SPAG9: variants seen among roughly 807,000 people sequenced by gnomAD.
SPAG9 encodes C-Jun-amino-terminal kinase-interacting protein 4.
In SPAG9, 35 loss-of-function variants were observed where a neutral mutation model predicts 166.5. The observed-to-expected ratio is 0.21, with a 90% CI of 0.16 to 0.28. The LOEUF is 0.28. SPAG9 is among the 10% of genes least tolerant of loss of function. SPAG9 has a pLI of 1.00. For synonymous variants in SPAG9, 534 were observed against 565.5 expected (o/e 0.94, Z 0.79); for missense variants, 1,235 against 1,603.3 (o/e 0.77, Z 3.92).
At chr17:51,094,323 A>G (rs1217851721) in intron 1 of SPAG9, among the ~76,000 whole-genome samples, 1 of 152,244 alleles carries the variant, frequency 6.6e-6, no homozygotes, top group Non-Finnish European at 1.5e-5. Context: ...CCAAAACTAT[A>G]AGAAATAAAA....
intron 1 of SPAG9, among the ~76,000 whole-genome samples, chr17:51,097,528 A>T (rs532472717): frequency 9.9e-4 from 150 of 152,236 alleles, no homozygotes; most frequent in South Asian, 5.0e-3. Context: ...AAGAAAAAAA[A>T]TTATGGTATC....
intron 3 of SPAG9, among the ~76,000 whole-genome samples, chr17:51,053,850 AAAAAGTATATATATATATATATATATAT>A (rs1325641327): frequency 1.7e-5 from 1 of 57,214 alleles, no homozygotes; most frequent in African/African-American, 9.0e-5. Flanking sequence ...AAAAAAAAAA[AAAAAGTATATATATATATATATATATAT>A]ATATATATAT....
intron 6 of SPAG9, among the ~76,000 whole-genome samples, chr17:51,021,816 A>G (rs191967698): frequency 7.1e-6 from 1 of 141,072 alleles, no homozygotes; most frequent in East Asian, 2.0e-4. Flanking sequence ...TCCTGCATCT[A>G]AATCATTTGA....
Position 51,120,738 on chromosome 17 carries a change from G to A in SPAG9, c.-82C>T. On this transcript the variant is annotated 5_prime_UTR_variant, in exon 1 of 30. Coordinates refer to ENST00000262013, the MANE Select transcript of SPAG9 (RefSeq NM_001130528.3). The surrounding 1 kb of genome is among the most constrained non-coding windows in gnomAD (Gnocchi z 4.7). ...GCCCGCACGGGACGGACCCGACTCG[G>A]GCTGGGACGGGTACTAGGGCTGGAG... is the stretch of plus-strand genomic sequence containing the variant. 2 of 1,268,082 alleles carry A rather than the reference G, an allele frequency of 1.6e-6. No homozygotes were observed. Among genetic ancestry groups the A allele is most frequent in the South Asian group, 1.4e-5 (1 of 68,996 alleles). The allele number at this position is 1,268,082 out of a possible 1,614,324, so 78.6% of individuals were successfully genotyped here. A position where few individuals can be genotyped will look rare whatever the true frequency, so the allele number is the denominator to read the frequency against.
chr17:51,109,773 A>C (rs1004686845), intron 1 of SPAG9, among the ~76,000 whole-genome samples: 1 of 151,934 alleles, frequency 6.6e-6, no homozygotes, highest in African/African-American at 2.4e-5. Flanking sequence ...GCACAGTGGC[A>C]TGAACACATC....
At chr17:51,091,548 CAG>C (rs1353608349) in intron 1 of SPAG9, among the ~76,000 whole-genome samples, 3 of 151,866 alleles carry the variant, frequency 2.0e-5, no homozygotes, top group Non-Finnish European at 2.9e-5. Context: ...CTGGAAATTC[CAG>C]AGAGTCCCCT....
Position 51,085,111 on chromosome 17 carries a change from G to A in SPAG9, c.304-5407C>T, listed in dbSNP as rs141312041. 8.8e-4 allele frequency among the ~76,000 whole-genome samples: 134 copies of A among 152,094 alleles called. 4 individuals are homozygous for A. The East Asian group carries it at 0.024, about 27-fold the overall frequency. On this transcript the variant is annotated intron_variant, in intron 1 of 29. Coordinates refer to ENST00000262013, the MANE Select transcript of SPAG9 (RefSeq NM_001130528.3). ...GGTGAACCCAGCACTTTGGGAGGCC[G>A]AGCTGGGATTACAGGCGTAAGCCAC...
chr17:51,085,441 C>T (rs1306770059), intron 1 of SPAG9: 14 of 152,078 alleles, frequency 9.2e-5, no homozygotes, highest in Admixed American at 6.6e-4. Context: ...GAATTTTTCA[C>T]GTTTTATTAT....
intron 1 of SPAG9, among the ~76,000 whole-genome samples, chr17:51,107,126 C>T (rs1279749896): frequency 1.3e-5 from 2 of 150,286 alleles, no homozygotes; most frequent in Non-Finnish European, 3.0e-5. Flanking sequence ...AGAAAAAGAA[C>T]AGAGCCTGGC....
At chr17:51,033,296 C>CAAAAAAAAAAA (rs2046455831) in intron 5 of SPAG9, among the ~76,000 whole-genome samples, 1 of 139,548 alleles carries the variant, frequency 7.2e-6, no homozygotes. Context: ...GATTGTCAAG[C>CAAAAAAAAAAA]TATGTCATTA....
rs750048936 is a variant in SPAG9 at position 50,996,726 on chromosome 17, G to A, written c.1839-32C>T. ...GGAAAAAAGATTTTCCTAATTACAT[G>A]AATACGTTTAATTACGTTTATCCCC... On this transcript the variant is annotated intron_variant, in intron 15 of 29. Coordinates refer to ENST00000262013, the MANE Select transcript of SPAG9 (RefSeq NM_001130528.3). 58 of 1,609,484 alleles carry A rather than the reference G, an allele frequency of 3.6e-5. 1 individual carries two copies. The South Asian group carries it at 5.9e-4, about 16-fold the overall frequency.
chr17:51,025,302 G>A lies in SPAG9; in HGVS notation c.784-3937C>T, dbSNP rs868495437. Among the ~76,000 whole-genome samples the A allele has an allele frequency of 5.8e-4, 73 of 126,086 alleles. 1 individual carries two copies. Among genetic ancestry groups the A allele is most frequent in the African/African-American group, 2.1e-3 (70 of 33,084 alleles). 82.7% of individuals were successfully genotyped at this position (126,086 alleles called of 152,430 possible). ...CACCACACTCCAGTCTGGTGACAGG[G>A]TGAGACTCTGTCTCAAAAAAAAAAA... On this transcript the variant is annotated intron_variant, in intron 6 of 29. Transcript: ENST00000262013.
intron 26 of SPAG9, among the ~76,000 whole-genome samples, chr17:50,977,650 T>TC (rs1974297506): frequency 6.6e-6 from 1 of 152,048 alleles, no homozygotes; most frequent in Non-Finnish European, 1.5e-5. Flanking sequence ...CTCCTGTAGA[T>TC]CCTACAAGGT....
chr17:51,049,363 C>CA (rs982451903), intron 3 of SPAG9, among the ~76,000 whole-genome samples: 157 of 131,978 alleles, frequency 1.2e-3, no homozygotes, highest in Middle Eastern at 4.1e-3. Flanking sequence ...TGAGACCCCT[C>CA]AAAAAAAAAA....
At chr17:51,072,173 G>A (rs767245737) in intron 2 of SPAG9, among the ~76,000 whole-genome samples, 1 of 151,884 alleles carries the variant, frequency 6.6e-6, no homozygotes, top group Non-Finnish European at 1.5e-5. Flanking sequence ...CCAGGTTAAA[G>A]CAATTCTCCT....
At chr17:51,099,433 CAAAAAA>C (rs34069450) in intron 1 of SPAG9, among the ~76,000 whole-genome samples, 1 of 75,536 alleles carries the variant, frequency 1.3e-5, no homozygotes, top group Non-Finnish European at 2.5e-5. Flanking sequence ...AACTCTGTCT[CAAAAAA>C]AAAAAAAAAA....
At chr17:51,104,932 C>CAAAAAAAAAA (rs397856546) in intron 1 of SPAG9, among the ~76,000 whole-genome samples, 1 of 57,452 alleles carries the variant, frequency 1.7e-5, no homozygotes, top group African/African-American at 6.7e-5. Flanking sequence ...GACTCCGTCT[C>CAAAAAAAAAA]AAAAAAAAAA....
chr17:51,023,438 C>A, intron 6 of SPAG9: 1 of 203,662 alleles, frequency 4.9e-6, no homozygotes, highest in South Asian at 9.6e-5. Flanking sequence ...TGGCTAACAT[C>A]AGAAAGTTCA....
intron 3 of SPAG9, among the ~76,000 whole-genome samples, chr17:51,054,355 T>G (rs924592433): frequency 2.0e-5 from 3 of 151,900 alleles, no homozygotes; most frequent in Non-Finnish European, 4.4e-5. Context: ...ACTCCTGGGC[T>G]TAAGTGATCC....
Sources: gnomAD v4.1 joint callset for allele counts (sites outside exome capture counted in the v4.1 genomes callset) on GRCh38, gnomAD v4.1.1 for gene constraint, Gnocchi (gnomAD v3.1) non-coding constraint, MANE v1.5 for transcripts, NCBI Gene and HGNC (gene_info 2026-07-23, HGNC 2026-07-21) for gene names.